The following ACTR3 variants were observed in gnomAD, a reference collection of about 807,000 sequenced individuals.
The protein encoded by ACTR3 is actin related protein 3, also known as actin-related protein 3.
A neutral mutation model predicts 56.8 loss-of-function variants in ACTR3; 12 were observed. The ratio of observed to expected loss-of-function variants is 0.21; its 90% CI spans 0.14 to 0.34. The LOEUF is 0.34. Ranked by LOEUF, ACTR3 falls within the 10% of genes least tolerant of loss-of-function variation. The pLI is 1.00. For missense variants in ACTR3, 282 were observed against 512.5 expected, an observed-to-expected ratio of 0.55 and a Z score of 4.34; for synonymous variants, 162 against 167.4, an observed-to-expected ratio of 0.97 and a Z score of 0.25.
At chr2:113,915,307 C>G (rs76741921) in intron 2 of ACTR3, among the ~76,000 whole-genome samples, 1 of 152,158 alleles carries the variant, frequency 6.6e-6, no homozygotes, top group Non-Finnish European at 1.5e-5. Context: ...CTGATAGATG[C>G]GTCACTCCAG....
At position 113,958,851 on chromosome 2, in the gene ACTR3, A is replaced by G. The variant is rs1207300876; in HGVS notation, c.*1396A>G. ...AACACGTTAGGATTGGAATACGTCTATTCAAAAGTGAAAGAATATAAAGTG... is the reference window on the plus strand; with the variant it reads ...AACACGTTAGGATTGGAATACGTCTGTTCAAAAGTGAAAGAATATAAAGTG... On this transcript the variant is annotated 3_prime_UTR_variant, in exon 12 of 12. Coordinates refer to ENST00000263238, the MANE Select transcript of ACTR3 (RefSeq NM_005721.5). The G allele has an allele frequency of 2.0e-5, 3 of 152,056 alleles. No individual in the cohort carries two copies. Among genetic ancestry groups the G allele is most frequent in the African/African-American group, 4.8e-5 (2 of 41,452 alleles). 9.4% of individuals were successfully genotyped at this position (152,056 alleles called of 1,614,324 possible).
chr2:113,942,098 TGG>T, intron 7 of ACTR3, 86 bp from the exon 8 acceptor site: 1 of 1,036,696 alleles, frequency 9.6e-7, no homozygotes. Flanking sequence ...TTTTTTTTAT[TGG>T]ATTATAGTTT....
In ACTR3 at chr2:113,899,972, G is replaced by A. The variant is rs182980146; in HGVS notation, c.44+9649G>A. Among the ~76,000 whole-genome samples the A allele has an allele frequency of 8.7e-4, 133 of 152,240 alleles. 1 individual carries two copies. Among genetic ancestry groups the A allele is most frequent in the African/African-American group, 3.0e-3 (126 of 41,544 alleles). On this transcript the variant is annotated intron_variant, in intron 1 of 11. Transcript: ENST00000263238. Reference sequence around the variant, plus strand: ...TTTTAAATGGGGCAGAATGGTTTGCGATTTATTTGATAGACAGTAGTGGAT... The same window carrying A: ...TTTTAAATGGGGCAGAATGGTTTGCAATTTATTTGATAGACAGTAGTGGAT...
At chr2:113,893,995 GC>G (rs1352080057) in intron 1 of ACTR3, among the ~76,000 whole-genome samples, 1 of 152,264 alleles carries the variant, frequency 6.6e-6, no homozygotes, top group African/African-American at 2.4e-5. Flanking sequence ...TGTTTGAAGA[GC>G]AGTGGGGAAA....
chr2:113,955,972 C>T (rs1175126509), intron 11 of ACTR3, among the ~76,000 whole-genome samples: 1 of 152,108 alleles, frequency 6.6e-6, no homozygotes, highest in Non-Finnish European at 1.5e-5. Flanking sequence ...CTCTTGAACT[C>T]CTGACCTTGG....
chr2:113,894,800 C>T (rs900457249), intron 1 of ACTR3, among the ~76,000 whole-genome samples: 4 of 152,100 alleles, frequency 2.6e-5, no homozygotes, highest in African/African-American at 9.7e-5. Context: ...TTTAAATTAC[C>T]TTTTTGATGC....
intron 5 of ACTR3, among the ~76,000 whole-genome samples, chr2:113,933,612 T>C (rs917073117): frequency 1.3e-5 from 2 of 152,166 alleles, no homozygotes; most frequent in African/African-American, 4.8e-5. Flanking sequence ...CTGCCTTACA[T>C]TGCAGTTTGT....
At chr2:113,905,819 T>C (rs1054312451) in intron 1 of ACTR3, among the ~76,000 whole-genome samples, 2 of 149,652 alleles carry the variant, frequency 1.3e-5, no homozygotes, top group Non-Finnish European at 3.0e-5. Flanking sequence ...GTTGTAAGCA[T>C]GTATCATGTG....
rs1291015775 is a variant in ACTR3, at chr2:113,961,582, A to G, written c.*4127A>G. ...AAGTTTCTCTTTTATTCAAGCACCA[A>G]CATTCACTTATATTACCTATATATT... On this transcript the variant is annotated 3_prime_UTR_variant, in exon 12 of 12. Transcript: ENST00000263238. 5 of 151,998 alleles carry G rather than the reference A, an allele frequency of 3.3e-5. No individual in the cohort carries two copies. The highest frequency in any genetic ancestry group is 6.6e-5 in the Admixed American group (1 of 15,232). 9.4% of individuals were successfully genotyped at this position (151,998 alleles called of 1,614,324 possible).
chr2:113,917,670 G>A (rs1326192521), intron 3 of ACTR3, among the ~76,000 whole-genome samples: 1 of 151,934 alleles, frequency 6.6e-6, no homozygotes, highest in Non-Finnish European at 1.5e-5. Flanking sequence ...ATCCTCCTTT[G>A]TACTTCTTCC....
At chr2:113,926,192 T>C (rs1366386653) in intron 3 of ACTR3, among the ~76,000 whole-genome samples, 1 of 152,256 alleles carries the variant, frequency 6.6e-6, no homozygotes, top group Non-Finnish European at 1.5e-5. Flanking sequence ...GATGTTATTT[T>C]ATGTGATAAC....
chr2:113,898,923 T>G (rs573126894), intron 1 of ACTR3, among the ~76,000 whole-genome samples: 2 of 152,270 alleles, frequency 1.3e-5, no homozygotes, highest in African/African-American at 4.8e-5. Context: ...ATTTAGAATT[T>G]TAGTCCTGGG....
intron 1 of ACTR3, among the ~76,000 whole-genome samples, chr2:113,891,518 G>A (rs1678895346): frequency 2.7e-5 from 4 of 148,984 alleles, no homozygotes; most frequent in Non-Finnish European, 5.9e-5. Context: ...ATAGGAAAGT[G>A]GTTTTTTTTT....
chr2:113,914,344 G>A (rs887699063), intron 2 of ACTR3, among the ~76,000 whole-genome samples: 1 of 152,188 alleles, frequency 6.6e-6, no homozygotes. Flanking sequence ...CGGGATCGGT[G>A]GCTCACGCCT....
intron 1 of ACTR3, among the ~76,000 whole-genome samples, chr2:113,894,250 G>A (rs534046696): frequency 1.4e-4 from 21 of 151,980 alleles, no homozygotes; most frequent in Admixed American, 1.1e-3. Flanking sequence ...CCACTACCAC[G>A]CCCAGCTAAA....
intron 3 of ACTR3, among the ~76,000 whole-genome samples, chr2:113,918,061 G>C (rs1463957063): frequency 6.6e-6 from 1 of 152,182 alleles, no homozygotes; most frequent in Non-Finnish European, 1.5e-5. Flanking sequence ...AGAAGTGCAT[G>C]ACCAATATGC....
chr2:113,919,963 TC>T, intron 3 of ACTR3, among the ~76,000 whole-genome samples: 1 of 152,256 alleles, frequency 6.6e-6, no homozygotes, highest in African/African-American at 2.4e-5. Flanking sequence ...TTGCTCTGTC[TC>T]CCAGGCTGGA....
At chr2:113,892,514 A>G (rs1235138997) in intron 1 of ACTR3, among the ~76,000 whole-genome samples, 4 of 152,140 alleles carry the variant, frequency 2.6e-5, no homozygotes, top group African/African-American at 7.2e-5. Context: ...TGGTCTTACA[A>G]GTTTCCAGTG....
At chr2:113,912,767 C>T (rs2104592946) in intron 1 of ACTR3, among the ~76,000 whole-genome samples, 1 of 152,236 alleles carries the variant, frequency 6.6e-6, no homozygotes, top group South Asian at 2.1e-4. Context: ...GAATTGTTTC[C>T]TATCACTATA....
Sources: allele counts gnomAD v4.1 joint callset (sites outside exome capture counted in the v4.1 genomes callset), GRCh38; gene constraint gnomAD v4.1.1; transcripts MANE v1.5; gene names NCBI Gene and HGNC (gene_info 2026-07-23, HGNC 2026-07-21).